SYNE2: variants seen among roughly 807,000 people sequenced by gnomAD.
SYNE2 encodes the protein nesprin-2.
In SYNE2, 431 loss-of-function variants were observed where a neutral mutation model predicts 856.3. That is an observed-to-expected ratio of 0.50 (90% CI 0.47 to 0.55). SYNE2 has a LOEUF of 0.55. Ranked by LOEUF, SYNE2 falls within the 20% of genes least tolerant of loss-of-function variation. The pLI is 0.00. For synonymous variants in SYNE2, 2,923 were observed against 2,872.3 expected (o/e 1.02, Z -0.56); for missense variants, 8,129 against 8,023.2 (o/e 1.01, Z -0.50).
At chr14:64,203,597 G>A (rs755793413) in intron 100 of SYNE2, among the ~76,000 whole-genome samples, 1 of 152,160 alleles carries the variant, frequency 6.6e-6, no homozygotes, top group Non-Finnish European at 1.5e-5. Flanking sequence ...CCACTTTCCT[G>A]CCTTCCCTGG....
chr14:63,999,219 A>G (rs1437994462), intron 27 of SYNE2, among the ~76,000 whole-genome samples, 179 bp downstream of exon 27: 1 of 152,190 alleles, frequency 6.6e-6, no homozygotes, highest in Non-Finnish European at 1.5e-5. Context: ...TCTTTCAGGT[A>G]CCAACCCCAG....
intron 19 of SYNE2, among the ~76,000 whole-genome samples, chr14:63,989,055 T>A (rs1002454777): frequency 2.6e-5 from 4 of 152,228 alleles, no homozygotes; most frequent in Non-Finnish European, 5.9e-5. Flanking sequence ...TTTGACTACA[T>A]GTAATATTGA....
At chr14:64,184,329 G>GGTGTGT (rs767980383) in intron 96 of SYNE2, among the ~76,000 whole-genome samples, 14,756 of 144,124 alleles carry the variant, frequency 0.1, 823 homozygotes, top group African/African-American at 0.13. Flanking sequence ...TATGCATAGG[G>GGTGTGT]GTGTGTGTGT....
At chr14:64,036,600 A>G (rs556661137) in intron 45 of SYNE2, among the ~76,000 whole-genome samples, 6 of 152,234 alleles carry the variant, frequency 3.9e-5, no homozygotes, top group Non-Finnish European at 5.9e-5. Context: ...CCCTGTTTCT[A>G]TTGTTCTTGA....
Position 63,815,305 on chromosome 14 carries a change from A to G in SYNE2, c.-304-37196A>G, listed in dbSNP as rs550277494. 1.1e-3 allele frequency among the ~76,000 whole-genome samples: 90 copies of G among 81,922 alleles called. 3 individuals are homozygous for G. In the South Asian group the frequency reaches 0.039, roughly 35 times the overall value. The allele number at this position is 81,922 out of a possible 152,430, so 53.7% of individuals were successfully genotyped here. A position where few individuals can be genotyped will look rare whatever the true frequency, so the allele number is the denominator to read the frequency against. On this transcript the variant is annotated intron_variant, in intron 1 of 23. Transcript: ENST00000674003. ...TAAACTCACAGGATCACAAGTTCCC[A>G]TATAGGCCGTCTGCAAGCTGAGGAG...
intron 1 of SYNE2, among the ~76,000 whole-genome samples, chr14:63,762,304 A>G (rs558192331): frequency 5.3e-5 from 8 of 152,078 alleles, no homozygotes; most frequent in Non-Finnish European, 1.0e-4. Context: ...GCGTGGTGGT[A>G]CATGCCTGTA....
chr14:63,806,272 C>A (rs1320973666), intron 1 of SYNE2, among the ~76,000 whole-genome samples: 2 of 152,160 alleles, frequency 1.3e-5, no homozygotes, highest in Non-Finnish European at 2.9e-5. Context: ...GTTTACGTCA[C>A]AAATTACATT....
intron 1 of SYNE2, among the ~76,000 whole-genome samples, chr14:63,874,461 G>T (rs989261299): frequency 1.3e-5 from 2 of 152,088 alleles, no homozygotes; most frequent in African/African-American, 4.8e-5. Context: ...GCTAGATGTC[G>T]CAGGAAGATG....
chr14:64,132,233 A>G (rs748781526), intron 76 of SYNE2, 32 bp from the exon 77 acceptor site: 59 of 1,610,188 alleles, frequency 3.7e-5, no homozygotes, highest in Middle Eastern at 2.2e-4. Context: ...CACAATTTCA[A>G]AGTAAATATT....
Position 64,077,673 on chromosome 14 carries a change from A to G in SYNE2, c.11023-793A>G, listed in dbSNP as rs552942658. Among the ~76,000 whole-genome samples the G allele has an allele frequency of 5.3e-5, 8 of 152,316 alleles. No homozygotes were observed. The East Asian group carries it at 1.3e-3, about 26-fold the overall frequency. ...TAATTTACAAAACAAAGGATTATAC[A>G]AAAGCATAAAGTATTATTTGGTTAT... On this transcript the variant is annotated intron_variant, in intron 54 of 115. Coordinates refer to ENST00000555002, the MANE Select transcript of SYNE2 (RefSeq NM_182914.3).
intron 1 of SYNE2, among the ~76,000 whole-genome samples, chr14:63,831,769 C>G (rs1566595623): frequency 6.6e-6 from 1 of 151,898 alleles, no homozygotes; most frequent in South Asian, 2.1e-4. Context: ...GTTTTGAACT[C>G]CTGACCTCAG....
chr14:63,948,692 A>ATATATATGTGTGTG (rs1232666323), intron 6 of SYNE2, among the ~76,000 whole-genome samples: 5 of 101,812 alleles, frequency 4.9e-5, no homozygotes, highest in African/African-American at 2.1e-4. Context: ...ATATGTGTGT[A>ATATATATGTGTGTG]TATATATATA....
At position 64,000,695 on chromosome 14, in the gene SYNE2, A is replaced by C. The variant is rs757523432; in HGVS notation, c.3614A>C (p.Glu1205Ala). ...ERDTLKERER[E>A]LQMTLNTRME... ...GACACACTAAAGGAAAGAGAAAGAG[A>C]GCTTCAGATGACTCTTAATACCAGG... The change falls in exon 28 of 116, where the codon GAG becomes GCG. Residue 1205 changes from glutamate to alanine, a missense_variant. Physicochemically the swap from Glu to Ala is moderately radical, Grantham distance 107 (BLOSUM62 -1). Transcript: ENST00000555002. 2 of 1,613,102 alleles carry C rather than the reference A, an allele frequency of 1.2e-6. No individual in the cohort carries two copies. Among genetic ancestry groups the C allele is most frequent in the Non-Finnish European group, 1.7e-6 (2 of 1,179,628 alleles).
chr14:63,872,103 A>C (rs562914316), intron 1 of SYNE2, among the ~76,000 whole-genome samples: 1 of 152,224 alleles, frequency 6.6e-6, no homozygotes, highest in South Asian at 2.1e-4. Flanking sequence ...CCAGCCTAAT[A>C]TTAGTCCTAT....
chr14:64,179,070 G>C (rs1029055260), intron 96 of SYNE2, among the ~76,000 whole-genome samples: 11 of 152,100 alleles, frequency 7.2e-5, no homozygotes, highest in African/African-American at 2.4e-4. Context: ...GAGTAAGACT[G>C]TCTCTAAAAA....
chr14:63,909,953 T>C (rs1385864221), intron 2 of SYNE2, among the ~76,000 whole-genome samples: 1 of 152,238 alleles, frequency 6.6e-6, no homozygotes, highest in East Asian at 1.9e-4. Flanking sequence ...TGTATATAAG[T>C]GCTGTCATTT....
At position 63,982,669 on chromosome 14, in the gene SYNE2, G is replaced by C. The variant is rs766378548; in HGVS notation, c.1876G>C (p.Ala626Pro). The C allele has an allele frequency of 1.9e-6, 3 of 1,614,070 alleles. No homozygotes were observed. The highest frequency in any genetic ancestry group is 2.2e-5 in the South Asian group (2 of 91,078). ...ACTAGCCCAGTGGAATCTAGAACAC[G>C]CTACTTTAAATGAAGCAGGAAATTT... is the stretch of plus-strand genomic sequence containing the variant. ...ETLAQWNLEH[A>P]TLNEAGNFLV... is the part of the protein sequence containing the mutation. The change falls in exon 17 of 116, where the codon GCT becomes CCT. Residue 626 changes from alanine to proline, a missense_variant. Physicochemically the swap from Ala to Pro is conservative, Grantham distance 27. Coordinates refer to ENST00000555002, the MANE Select transcript of SYNE2 (RefSeq NM_182914.3).
At chr14:64,120,667 G>T (rs1276158507) in intron 67 of SYNE2, among the ~76,000 whole-genome samples, 1 of 152,220 alleles carries the variant, frequency 6.6e-6, no homozygotes, top group African/African-American at 2.4e-5. Context: ...GGGGGCTGAG[G>T]CAGGAGAATC....
At chr14:63,838,648 A>G (rs1889943355) in intron 1 of SYNE2, among the ~76,000 whole-genome samples, 1 of 151,968 alleles carries the variant, frequency 6.6e-6, no homozygotes, top group African/African-American at 2.4e-5. Context: ...TAGCCAGACT[A>G]TAGGCACGCA....
Sources: allele counts gnomAD v4.1 joint callset (sites outside exome capture counted in the v4.1 genomes callset), GRCh38; gene constraint gnomAD v4.1.1; transcripts MANE v1.5; gene names NCBI Gene and HGNC (gene_info 2026-07-23, HGNC 2026-07-21).